Variants in NLRP2 observed in about 807,000 individuals in gnomAD.
NLRP2 encodes NACHT, LRR and PYD domains-containing protein 2.
Under a neutral mutation model 97.2 loss-of-function variants are expected in NLRP2, and 107 were observed. The observed-to-expected ratio is 1.10, with a 90% confidence interval of 0.94 to 1.29. The LOEUF (loss-of-function observed/expected upper bound fraction) is 1.29. NLRP2 is among the 50% of genes most tolerant of loss of function. The pLI, the probability that NLRP2 is intolerant of heterozygous loss-of-function variation, is 0.00. For synonymous variants in NLRP2, 663 were observed against 551.5 expected, an observed-to-expected ratio of 1.20 and a Z score of -2.83; for missense variants, 1,495 against 1,330.3, an observed-to-expected ratio of 1.12 and a Z score of -1.93.
At chr19:54,979,535 T>A (rs774635766) in intron 4 of NLRP2, among the ~76,000 whole-genome samples, 3 of 150,892 alleles carry the variant, frequency 2.0e-5, no homozygotes, top group Admixed American at 6.6e-5. Flanking sequence ...TTATTTTTAG[T>A]AGACAGGGTT....
upstream of NLRP2, chr19:54,965,483 T>C (rs1255672550): frequency 2.0e-5 from 2 of 100,230 alleles, no homozygotes; most frequent in Non-Finnish European, 4.2e-5. Flanking sequence ...TGAGACGGAG[T>C]CTCGCTCTGT....
At chr19:54,970,347 C>A (rs753176906) in intron 2 of NLRP2, 52 bp downstream of exon 2, 1 of 1,603,806 alleles carries the variant, frequency 6.2e-7, no homozygotes, top group South Asian at 1.1e-5. Flanking sequence ...GGCGTCCTCT[C>A]CAGGACTTTA....
intron 7 of NLRP2, among the ~76,000 whole-genome samples, chr19:54,985,617 G>T (rs1217832286): frequency 1.4e-5 from 2 of 145,692 alleles, no homozygotes; most frequent in Non-Finnish European, 3.0e-5. Context: ...GGCGGAGGTT[G>T]CAGTGAACCA....
chr19:54,974,998 A>C (rs2071105300), intron 3 of NLRP2, among the ~76,000 whole-genome samples: 2 of 149,878 alleles, frequency 1.3e-5, no homozygotes, highest in Non-Finnish European at 3.0e-5. Context: ...ATGGGGTTTC[A>C]CCATGATGGC....
intron 10 of NLRP2, chr19:54,991,174 C>T (rs763965126): frequency 1.6e-4 from 30 of 182,912 alleles, no homozygotes; most frequent in Non-Finnish European, 3.1e-4. Flanking sequence ...AGGTAGTCTT[C>T]TGGGCCAGTG....
rs746756441 is a variant in NLRP2, at chr19:54,982,293, A to G, written c.595A>G (p.Arg199Gly). 3 of 1,613,994 alleles carry G rather than the reference A, an allele frequency of 1.9e-6. No homozygotes were observed. The highest frequency in any genetic ancestry group is 1.3e-5 in the African/African-American group (1 of 74,916). The change falls in exon 6 of 13, where the codon AGG (arginine) becomes GGG (glycine). Residue 199 changes from arginine to glycine, a missense_variant. By Grantham distance (125) the Arg-to-Gly change is moderately radical (BLOSUM62 -2). Coordinates refer to ENST00000448584, the MANE Select transcript of NLRP2 (RefSeq NM_017852.5). ...GATGCTGATCCCATTCAGCAACCCC[A>G]GGGTGCTTCCCGGGCCCTTCTCATA... ...YKMLIPFSNP[R>G]VLPGPFSYTV...
chr19:54,974,756 A>G (rs1451251298), intron 3 of NLRP2, among the ~76,000 whole-genome samples: 1 of 152,136 alleles, frequency 6.6e-6, no homozygotes, highest in African/African-American at 2.4e-5. Flanking sequence ...ATAAATACAT[A>G]CAAAGCGGGG....
intron 11 of NLRP2, 107 bp from the exon 12 acceptor site, chr19:54,997,210 C>A: frequency 8.5e-7 from 1 of 1,180,546 alleles, no homozygotes; most frequent in Non-Finnish European, 1.3e-6. Flanking sequence ...CGGCCTGAGA[C>A]TTCTGTTGGT....
chr19:54,973,755 G>A (rs149445614), intron 2 of NLRP2: 49 of 503,810 alleles, frequency 9.7e-5, no homozygotes, highest in African/African-American at 8.2e-4. Context: ...GTAAACTTAC[G>A]AAGGTCTGGG....
At chr19:54,995,189 T>TC (rs2072740385) in intron 11 of NLRP2, among the ~76,000 whole-genome samples, 1 of 89,680 alleles carries the variant, frequency 1.1e-5, no homozygotes, top group Non-Finnish European at 2.5e-5. Context: ...GGGTGCCTCT[T>TC]TTTTTTTTTT....
intron 7 of NLRP2, among the ~76,000 whole-genome samples, chr19:54,985,459 C>G (rs1300959828): frequency 2.6e-5 from 4 of 152,114 alleles, no homozygotes; most frequent in Non-Finnish European, 4.4e-5. Flanking sequence ...AGACAGATCA[C>G]TTGAGGTCAG....
At chr19:54,997,981 T>C (rs1344317212) in intron 12 of NLRP2, among the ~76,000 whole-genome samples, 1 of 151,820 alleles carries the variant, frequency 6.6e-6, no homozygotes, top group African/African-American at 2.4e-5. Context: ...GTTTTGTTTG[T>C]TGCATTTTGT....
At position 54,974,484 on chromosome 19, in the gene NLRP2, C is replaced by T. The variant is rs1033281436; in HGVS notation, c.281-16C>T. ...TATGGTAAAATGCAAAATTTTCCCCCCTTCTCCTTTTTCAGAAGCAGCTTT... is the reference window on the plus strand; with the variant it reads ...TATGGTAAAATGCAAAATTTTCCCCTCTTCTCCTTTTTCAGAAGCAGCTTT... On this transcript the variant is annotated splice_polypyrimidine_tract_variant and intron_variant, in intron 2 of 12. Coordinates refer to ENST00000448584, the MANE Select transcript of NLRP2 (RefSeq NM_017852.5). 6 of 1,609,302 alleles carry T rather than the reference C, an allele frequency of 3.7e-6. No homozygotes were observed. Among genetic ancestry groups the T allele is most frequent in the African/African-American group, 2.7e-5 (2 of 74,920 alleles).
Position 54,985,066 on chromosome 19 carries a change from A to C in NLRP2, c.2050A>C (p.Met684Leu). 1 of 1,614,146 alleles carries C rather than the reference A, an allele frequency of 6.2e-7. No individual in the cohort carries two copies. Among genetic ancestry groups the C allele is most frequent in the Non-Finnish European group, 8.5e-7 (1 of 1,180,022 alleles). The change falls in exon 7 of 13, where the codon ATG becomes CTG. Residue 684 changes from methionine (M) to leucine (L), a missense_variant. By Grantham distance (15) the Met-to-Leu change is conservative. Transcript: ENST00000448584. Reference protein sequence around the residue: ...EVERSQDDQHMLPFWTDLCSI... With the variant: ...EVERSQDDQHLLPFWTDLCSI... ...CTATAGATCCCAGGATGATCAGCAC[A>C]TGCTTCCTTTCTGGACGGACCTTTG... is the stretch of plus-strand genomic sequence containing the variant.
rs1006229653 is a variant in NLRP2 at position 54,979,601 on chromosome 19, T to G, written c.397+1778T>G. Among the ~76,000 whole-genome samples the G allele has an allele frequency of 3.3e-5, 5 of 151,996 alleles. No homozygotes were observed. In the East Asian group the frequency reaches 7.7e-4, roughly 24 times the overall value. ...CCTGACCTCAGGTGATCCACCCACTTCGGCCTCCCAAAGTGCTGGGATTAC... is the reference window on the plus strand; with the variant it reads ...CCTGACCTCAGGTGATCCACCCACTGCGGCCTCCCAAAGTGCTGGGATTAC... On this transcript the variant is annotated intron_variant, in intron 4 of 12. Coordinates refer to ENST00000448584, the MANE Select transcript of NLRP2 (RefSeq NM_017852.5).
rs978628851 is a variant in NLRP2 at position 54,997,405 on chromosome 19, G to T, written c.2968G>T (p.Gly990Cys). 6.2e-7 allele frequency: 1 copy of T among 1,614,074 alleles called. No homozygotes were observed. The highest frequency in any genetic ancestry group is 1.3e-5 in the African/African-American group (1 of 74,924). The change falls in exon 12 of 13, where the codon GGT becomes TGT. Residue 990 changes from glycine (G) to cysteine (C), a missense_variant. By Grantham distance (159) the Gly-to-Cys change is radical. Coordinates refer to ENST00000448584, the MANE Select transcript of NLRP2 (RefSeq NM_017852.5). ...CCAGAGCCTCGTCACTCTGGACCTG[G>T]GTCAGAATCCCTTGGGGTCTAGTGG... ...CNQSLVTLDL[G>C]QNPLGSSGVK...
chr19:54,994,999 C>T (rs1027807421), intron 11 of NLRP2, among the ~76,000 whole-genome samples: 2 of 151,686 alleles, frequency 1.3e-5, no homozygotes, highest in Non-Finnish European at 2.9e-5. Context: ...AAAGCCACTG[C>T]CCAGCACCCC....
intron 3 of NLRP2, among the ~76,000 whole-genome samples, chr19:54,974,806 CTT>C (rs1250588732): frequency 1.3e-5 from 2 of 152,030 alleles, no homozygotes; most frequent in Non-Finnish European, 2.9e-5. Context: ...AAGGTAGAGA[CTT>C]TTCTTTTTTG....
At chr19:54,976,812 C>CTATTTTTTTTTTTTTTTTTT (rs1555768188) in intron 3 of NLRP2, 1 of 280,754 alleles carries the variant, frequency 3.6e-6, no homozygotes, top group African/African-American at 3.4e-5. Context: ...TGTTCTCTCT[C>CTATTTTTTTTTTTTTTTTTT]TTTTTTTTTT....
Sources: allele counts gnomAD v4.1 joint callset (sites outside exome capture counted in the v4.1 genomes callset), GRCh38; gene constraint gnomAD v4.1.1; transcripts MANE v1.5; gene names NCBI Gene and HGNC (gene_info 2026-07-23, HGNC 2026-07-21).